The following UNC5B variants were observed in gnomAD, a reference collection of about 807,000 sequenced individuals.
UNC5B encodes the protein unc-5 netrin receptor B.
Under a neutral mutation model 103.7 loss-of-function variants are expected in UNC5B, and 56 were observed. The ratio of observed to expected loss-of-function variants is 0.54; its 90% CI spans 0.44 to 0.67. The LOEUF (loss-of-function observed/expected upper bound fraction) is 0.67, where lower values mean the gene tolerates loss of function less well. Ranked by LOEUF, UNC5B falls within the 30% of genes least tolerant of loss-of-function variation. UNC5B has a pLI of 0.00. For synonymous variants in UNC5B, 577 were observed against 542.0 expected (o/e 1.06, Z -0.90); for missense variants, 1,194 against 1,284.5 (o/e 0.93, Z 1.08).
intron 1 of UNC5B, among the ~76,000 whole-genome samples, chr10:71,222,471 G>C (rs1195498023): frequency 6.6e-6 from 1 of 152,182 alleles, no homozygotes; most frequent in Non-Finnish European, 1.5e-5. Flanking sequence ...TCTTGGCAGA[G>C]TGGGTGCTCT....
At chr10:71,283,085 ACT>A (rs1473566937) in intron 2 of UNC5B, among the ~76,000 whole-genome samples, 2 of 151,656 alleles carry the variant, frequency 1.3e-5, no homozygotes, top group Admixed American at 6.6e-5. Flanking sequence ...GCGCCGCTGC[ACT>A]CCAGCCTGGG....
intron 1 of UNC5B, among the ~76,000 whole-genome samples, chr10:71,266,685 C>T (rs1472354238): frequency 2.0e-5 from 3 of 152,108 alleles, no homozygotes; most frequent in Non-Finnish European, 2.9e-5. Flanking sequence ...GTGTGGGGCT[C>T]GCCGGGACCC....
chr10:71,272,838 C>T (rs972870025), intron 1 of UNC5B, among the ~76,000 whole-genome samples: 2 of 152,120 alleles, frequency 1.3e-5, no homozygotes, highest in African/African-American at 4.8e-5. Context: ...AGCTAGAGAA[C>T]AGCTCCTGCC....
Position 71,299,462 on chromosome 10 carries a change from T to G in UNC5B, c.*185T>G, listed in dbSNP as rs1165533374. 4.4e-6 allele frequency: 3 copies of G among 676,842 alleles called. No individual in the cohort carries two copies. The highest frequency in any genetic ancestry group is 7.3e-6 in the Non-Finnish European group (3 of 412,226). The allele number at this position is 676,842 out of a possible 1,614,324, so 41.9% of individuals were successfully genotyped here. A position where few individuals can be genotyped will look rare whatever the true frequency, so the allele number is the denominator to read the frequency against. ...CTTAGAAAATCCATGTACTCTGTTGTTAGAGGGCCCAGAGTTCCTTCTCCA... is the reference window on the plus strand; with the variant it reads ...CTTAGAAAATCCATGTACTCTGTTGGTAGAGGGCCCAGAGTTCCTTCTCCA... On this transcript the variant is annotated 3_prime_UTR_variant, in exon 17 of 17. Transcript: ENST00000335350.
At chr10:71,275,908 G>T (rs1316204847) in intron 1 of UNC5B, among the ~76,000 whole-genome samples, 1 of 151,978 alleles carries the variant, frequency 6.6e-6, no homozygotes, top group Non-Finnish European at 1.5e-5. Context: ...CCATATCTTT[G>T]CAAAGCTGGG....
At chr10:71,291,930 A>G in intron 10 of UNC5B, 109 bp downstream of exon 10, 4 of 1,424,984 alleles carry the variant, frequency 2.8e-6, no homozygotes, top group Non-Finnish European at 1.8e-6. Context: ...CATCTCACAG[A>G]TGGGGAAAGG....
intron 7 of UNC5B, 64 bp from the exon 8 acceptor site, chr10:71,288,894 G>C: frequency 6.3e-7 from 1 of 1,591,320 alleles, no homozygotes; most frequent in Non-Finnish European, 8.6e-7. Context: ...CCTTCCCATT[G>C]CCTTCTCTGC....
At chr10:71,270,072 G>A (rs567689036) in intron 1 of UNC5B, among the ~76,000 whole-genome samples, 7 of 152,250 alleles carry the variant, frequency 4.6e-5, no homozygotes, top group South Asian at 2.1e-4. Flanking sequence ...TGAGTTGGCC[G>A]GGTGCAGTGG....
At chr10:71,226,219 C>T (rs929668154) in intron 1 of UNC5B, among the ~76,000 whole-genome samples, 4 of 152,052 alleles carry the variant, frequency 2.6e-5, no homozygotes, top group African/African-American at 4.8e-5. Flanking sequence ...GGATTACAGG[C>T]GCCCGCCACC....
chr10:71,231,733 T>C (rs1316145491), intron 1 of UNC5B, among the ~76,000 whole-genome samples: 1 of 152,120 alleles, frequency 6.6e-6, no homozygotes, highest in East Asian at 1.9e-4. Context: ...CATATGAATT[T>C]TGACAAAACA....
intron 1 of UNC5B, among the ~76,000 whole-genome samples, chr10:71,269,009 C>A (rs369584293): frequency 1.3e-5 from 2 of 152,192 alleles, no homozygotes; most frequent in African/African-American, 4.8e-5. Flanking sequence ...CCGTCTGACA[C>A]GTGTGACCGT....
chr10:71,273,038 G>A (rs946922007), intron 1 of UNC5B, among the ~76,000 whole-genome samples: 3 of 152,184 alleles, frequency 2.0e-5, no homozygotes, highest in Non-Finnish European at 4.4e-5. Flanking sequence ...ACAGGCATCC[G>A]CCACCACACC....
rs1843264414 is a variant in UNC5B, at chr10:71,213,286, C to T, written c.79+222C>T. On this transcript the variant is annotated intron_variant, in intron 1 of 16. Transcript: ENST00000335350. This position sits in a 1 kb window ranked among gnomAD's most constrained non-coding sequence, Gnocchi z 4.1. Reference sequence around the variant, plus strand: ...GGGCTTCACAGTAAGCTGAAAGGTCCCTGCTCGCTCCTGAAAGGGATCCCT... The same window carrying T: ...GGGCTTCACAGTAAGCTGAAAGGTCTCTGCTCGCTCCTGAAAGGGATCCCT... 1.3e-5 allele frequency among the ~76,000 whole-genome samples: 2 copies of T among 152,122 alleles called. No individual in the cohort carries two copies. Among genetic ancestry groups the T allele is most frequent in the South Asian group, 4.1e-4 (2 of 4,822 alleles).
intron 1 of UNC5B, among the ~76,000 whole-genome samples, chr10:71,268,035 C>T (rs890145867): frequency 1.3e-5 from 2 of 152,226 alleles, no homozygotes; most frequent in African/African-American, 2.4e-5. Flanking sequence ...CCCATGGAAC[C>T]TGAGCCCCAG....
At position 71,296,739 on chromosome 10, in the gene UNC5B, A is replaced by G. The variant is rs12781632; in HGVS notation, c.2487A>G (p.Ala829=). 9,146 of 1,587,010 alleles carry G rather than the reference A, an allele frequency of 5.8e-3. 101 individuals carry two copies. The highest frequency in any genetic ancestry group is 0.029 in the African/African-American group (2,048 of 69,490). ...TATTCCAGCTGCATACCACTCTGGCAGAGGTGAGGGAAGTCGGGGCCACAT... is the reference window on the plus strand; with the variant it reads ...TATTCCAGCTGCATACCACTCTGGCGGAGGTGAGGGAAGTCGGGGCCACAT... ...GQIFQLHTTL[A]ETPAGSLDTL... Residue 829 remains alanine (A), a synonymous_variant, in exon 15 of 17, where the codon GCA becomes GCG. Coordinates refer to ENST00000335350, the MANE Select transcript of UNC5B (RefSeq NM_170744.5).
intron 1 of UNC5B, among the ~76,000 whole-genome samples, chr10:71,221,700 A>G (rs1422430388): frequency 2.0e-5 from 3 of 152,182 alleles, no homozygotes; most frequent in Non-Finnish European, 4.4e-5. Flanking sequence ...ACAGATATGA[A>G]TCATTCAAGC....
At position 71,290,980 on chromosome 10, in the gene UNC5B, G is replaced by A; in HGVS notation, c.1165G>A (p.Ala389Thr). The change falls in exon 9 of 17, where the codon GCA becomes ACA. Residue 389 changes from alanine to threonine, a missense_variant. Physicochemically the swap from Ala to Thr is moderately conservative, Grantham distance 58. Transcript: ENST00000335350. Reference sequence around the variant, plus strand: ...CGTGGTGGCCATCTTCGTGGTCGTGGCAATCCTCATGGCGGTGGGGGTGGT... The same window carrying A: ...CGTGGTGGCCATCTTCGTGGTCGTGACAATCCTCATGGCGGTGGGGGTGGT... ...GLVVAIFVVV[A>T]ILMAVGVVVY... 6.2e-7 allele frequency: 1 copy of A among 1,614,102 alleles called. No individual in the cohort carries two copies. The highest frequency in any genetic ancestry group is 8.5e-7 in the Non-Finnish European group (1 of 1,180,036).
intron 4 of UNC5B, 58 bp from the exon 5 acceptor site, chr10:71,286,631 C>T: frequency 6.3e-7 from 1 of 1,598,254 alleles, no homozygotes; most frequent in Non-Finnish European, 8.5e-7. Context: ...TGCCCTTCTT[C>T]TGTTTATGAT....
intron 13 of UNC5B, among the ~76,000 whole-genome samples, chr10:71,294,573 C>T (rs559326754): frequency 6.6e-6 from 1 of 152,190 alleles, no homozygotes; most frequent in East Asian, 1.9e-4. Context: ...CAGGGAGTGA[C>T]AGCAGCCAGG....
Sources: gnomAD v4.1 joint callset for allele counts (sites outside exome capture counted in the v4.1 genomes callset) on GRCh38, gnomAD v4.1.1 for gene constraint, Gnocchi (gnomAD v3.1) non-coding constraint, MANE v1.5 for transcripts, NCBI Gene and HGNC (gene_info 2026-07-23, HGNC 2026-07-21) for gene names.